ERC2: variants seen among roughly 807,000 people sequenced by gnomAD.
The protein encoded by ERC2 is ELKS/RAB6-interacting/CAST family member 2, also known as ERC protein 2.
ERC2 carries 42 observed loss-of-function variants against 114.8 expected under a neutral mutation model. The observed-to-expected ratio is 0.37, with a 90% CI of 0.29 to 0.47. ERC2 has a LOEUF of 0.47. ERC2 is among the 20% of genes least tolerant of loss of function. The pLI is 0.99. For synonymous variants in ERC2, 454 were observed against 425.5 expected (o/e 1.07, Z -0.82); for missense variants, 939 against 1,150.7 (o/e 0.82, Z 2.66).
At chr3:55,580,568 G>A (rs1052668486) in intron 17 of ERC2, among the ~76,000 whole-genome samples, 5 of 152,134 alleles carry the variant, frequency 3.3e-5, no homozygotes, top group African/African-American at 9.7e-5. Flanking sequence ...GCTGGCTAGA[G>A]CAGAACCCAA....
chr3:55,903,666 C>A (rs1054653730), intron 13 of ERC2, among the ~76,000 whole-genome samples: 1 of 152,150 alleles, frequency 6.6e-6, no homozygotes, highest in African/African-American at 2.4e-5. Flanking sequence ...CATTCAGAAA[C>A]CTTAAAGGCA....
intron 2 of ERC2, among the ~76,000 whole-genome samples, chr3:56,323,721 C>T (rs988690944): frequency 6.6e-6 from 1 of 152,170 alleles, no homozygotes; most frequent in Non-Finnish European, 1.5e-5. Context: ...CTCTACCACC[C>T]ATCAGCTTAA....
intron 14 of ERC2, among the ~76,000 whole-genome samples, chr3:55,854,189 C>T (rs2061690919): frequency 6.6e-6 from 1 of 152,116 alleles, no homozygotes; most frequent in African/African-American, 2.4e-5. Flanking sequence ...GCACGAGAAT[C>T]GCTTGAATCC....
chr3:55,629,565 T>C (rs358917), intron 17 of ERC2, among the ~76,000 whole-genome samples: 141,576 of 152,262 alleles, frequency 0.93, 65,911 homozygotes, highest in East Asian at 1. Context: ...ACACCTACAT[T>C]GCATAATTAC....
chr3:55,989,473 C>T (rs919249391), intron 11 of ERC2, among the ~76,000 whole-genome samples: 2 of 152,204 alleles, frequency 1.3e-5, no homozygotes, highest in African/African-American at 4.8e-5. Flanking sequence ...ACTTTCTCTC[C>T]TGTATGCTAA....
intron 13 of ERC2, among the ~76,000 whole-genome samples, chr3:55,917,173 T>C (rs1489895931): frequency 2.0e-5 from 3 of 152,100 alleles, no homozygotes; most frequent in Non-Finnish European, 2.9e-5. Context: ...TGGTTTGAAA[T>C]AAAATGCTTT....
chr3:56,025,170 G>A (rs537355191), intron 7 of ERC2, among the ~76,000 whole-genome samples: 83 of 152,214 alleles, frequency 5.5e-4, no homozygotes, highest in Non-Finnish European at 9.3e-4. Flanking sequence ...ACCTTTTGCA[G>A]AATGCCAAGG....
At chr3:56,361,133 G>A (rs1019696038) in intron 2 of ERC2, among the ~76,000 whole-genome samples, 9 of 152,040 alleles carry the variant, frequency 5.9e-5, no homozygotes, top group South Asian at 4.1e-4. Flanking sequence ...TTTGTCTGAC[G>A]TGCTATGGAG....
intron 4 of ERC2, among the ~76,000 whole-genome samples, chr3:56,162,466 T>G (rs531384780): frequency 3.9e-5 from 6 of 152,320 alleles, no homozygotes; most frequent in African/African-American, 1.4e-4. Context: ...CCAGCTCTTC[T>G]TTGTATGTTT....
chr3:55,994,646 C>CCAAA (rs1559990837), intron 10 of ERC2, among the ~76,000 whole-genome samples: 2 of 20,138 alleles, frequency 9.9e-5, no homozygotes, highest in African/African-American at 1.5e-4. Context: ...TACATACTCC[C>CCAAA]TAAAAAAAAA....
intron 4 of ERC2, among the ~76,000 whole-genome samples, chr3:56,166,433 T>C (rs76332336): frequency 0.049 from 7,516 of 152,160 alleles, 335 homozygotes; most frequent in East Asian, 0.14. Context: ...AGAGTTTCTG[T>C]ATGATTGATT....
At chr3:56,266,055 TAA>T in intron 3 of ERC2, among the ~76,000 whole-genome samples, 1 of 132,962 alleles carries the variant, frequency 7.5e-6, no homozygotes, top group Non-Finnish European at 1.6e-5. Context: ...TAAAATAAAA[TAA>T]AATAAAATAA....
rs1156431343 is a variant in ERC2 at position 55,952,170 on chromosome 3, C to CT, written c.2268-1611_2268-1610insA. ...ACACACACACACACACACACACACA[C>CT]ACACACACACTCTCTCTCTCTCTCT... On this transcript the variant is annotated intron_variant, in intron 12 of 17. Transcript: ENST00000288221. Among the ~76,000 whole-genome samples, 91 of 64,566 alleles carry CT rather than the reference C, an allele frequency of 1.4e-3. 1 individual carries two copies. The highest frequency in any genetic ancestry group is 4.2e-3 in the African/African-American group (84 of 19,974). The allele number at this position is 64,566 out of a possible 152,430, so 42.4% of individuals were successfully genotyped here. A position where few individuals can be genotyped will look rare whatever the true frequency, so the allele number is the denominator to read the frequency against.
intron 12 of ERC2, among the ~76,000 whole-genome samples, chr3:55,954,847 A>AAT (rs144793627): frequency 1.3e-4 from 20 of 151,502 alleles, no homozygotes; most frequent in Middle Eastern, 3.4e-3. Flanking sequence ...CATGTGCACA[A>AAT]ATATATATAT....
chr3:56,140,435 T>C (rs2149918438), intron 5 of ERC2, among the ~76,000 whole-genome samples: 1 of 152,340 alleles, frequency 6.6e-6, no homozygotes, highest in East Asian at 1.9e-4. Context: ...CAATTTTTTT[T>C]CCTACTTTGC....
chr3:56,242,036 T>C (rs924933027), intron 3 of ERC2, among the ~76,000 whole-genome samples: 9 of 152,090 alleles, frequency 5.9e-5, no homozygotes, highest in African/African-American at 1.7e-4. Flanking sequence ...AAAAGTTTGC[T>C]GAACAATTCA....
intron 7 of ERC2, among the ~76,000 whole-genome samples, chr3:56,079,722 C>T (rs377380107): frequency 6.6e-6 from 1 of 152,068 alleles, no homozygotes; most frequent in South Asian, 2.1e-4. Context: ...TTACATTATG[C>T]AATGGACCCC....
intron 3 of ERC2, among the ~76,000 whole-genome samples, chr3:56,294,864 A>C (rs2150354732): frequency 6.6e-6 from 1 of 152,340 alleles, no homozygotes; most frequent in Non-Finnish European, 1.5e-5. Context: ...TTTCAATATG[A>C]AACCAAGCCA....
intron 7 of ERC2, among the ~76,000 whole-genome samples, chr3:56,030,277 T>C (rs2074299856): frequency 6.6e-6 from 1 of 152,192 alleles, no homozygotes; most frequent in Non-Finnish European, 1.5e-5. Context: ...AATAATGCAT[T>C]TCAGCAGCTG....
Sources: gnomAD v4.1 joint callset for allele counts (sites outside exome capture counted in the v4.1 genomes callset) on GRCh38, gnomAD v4.1.1 for gene constraint, MANE v1.5 for transcripts, NCBI Gene and HGNC (gene_info 2026-07-23, HGNC 2026-07-21) for gene names.